Variants in REPS2 observed in about 807,000 individuals in gnomAD.
The protein encoded by REPS2 is ralBP1-associated Eps domain-containing protein 2.
A neutral mutation model predicts 53.6 loss-of-function variants in REPS2; 23 were observed. The observed-to-expected ratio is 0.43, with a 90% CI of 0.31 to 0.61. The LOEUF (loss-of-function observed/expected upper bound fraction) is 0.61. Ranked by LOEUF, REPS2 falls within the 20% of genes least tolerant of loss-of-function variation. The probability of loss-of-function intolerance (pLI) is 0.11; values close to 1 mark genes in which losing one functional copy is unlikely to be tolerated. For synonymous variants in REPS2, 238 were observed against 218.6 expected (o/e 1.09, Z -0.78); for missense variants, 446 against 534.9 (o/e 0.83, Z 1.64).
the REPS2 span, among the ~76,000 whole-genome samples, chrX:17,184,870 G>C: frequency 1.8e-5 from 2 of 111,930 alleles, no homozygotes; most frequent in Non-Finnish European, 3.8e-5. Flanking sequence ...TTTAATGTAC[G>C]TGTTACAATC....
At chrX:17,044,219 A>G (rs1458844883) in intron 5 of REPS2, among the ~76,000 whole-genome samples, 2 of 111,490 alleles carry the variant, frequency 1.8e-5, no homozygotes, top group Admixed American at 9.5e-5. Flanking sequence ...CATTGAGGAA[A>G]GAGCACACAT....
At chrX:16,960,850 TATG>T (rs965707207) in intron 1 of REPS2, among the ~76,000 whole-genome samples, 3 of 112,216 alleles carry the variant, frequency 2.7e-5, no homozygotes, top group African/African-American at 6.5e-5. Flanking sequence ...CTGTCCCATT[TATG>T]ATAACATAAA....
intron 14 of REPS2, among the ~76,000 whole-genome samples, chrX:17,126,775 T>C (rs2063216855): frequency 8.9e-6 from 1 of 111,984 alleles, no homozygotes; most frequent in Non-Finnish European, 1.9e-5. Context: ...TCGTATTGTC[T>C]GTAGCTGCTT....
intron 1 of REPS2, among the ~76,000 whole-genome samples, chrX:16,987,478 C>T (rs978633836): frequency 1.2e-4 from 14 of 112,518 alleles, no homozygotes; most frequent in African/African-American, 4.2e-4. Flanking sequence ...TTTAACTCCA[C>T]TTATCCCTCC....
In REPS2 at chrX:17,016,972, T is replaced by G. The variant is rs113593956; in HGVS notation, c.398-5151T>G. Among the ~76,000 whole-genome samples, 509 of 110,813 alleles carry G rather than the reference T, an allele frequency of 4.6e-3. 2 individuals carry two copies. The highest frequency in any genetic ancestry group is 0.016 in the African/African-American group (487 of 30,440). On this transcript the variant is annotated intron_variant, in intron 2 of 17. Coordinates refer to ENST00000357277, the MANE Select transcript of REPS2 (RefSeq NM_004726.3). The stretch of plus-strand genomic sequence containing the variant: ...AAATGTTTATCACAGGATAATGGAT[T>G]AAAATTTTCAATATATTCTTTTAGG...
At chrX:17,176,654 A>C in the REPS2 span, among the ~76,000 whole-genome samples, 9 of 112,265 alleles carry the variant, frequency 8.0e-5, no homozygotes, top group Non-Finnish European at 1.7e-4. Context: ...CCTCTAATTG[A>C]TAATTACCTT....
chrX:17,018,554 C>G (rs765109351), intron 2 of REPS2, among the ~76,000 whole-genome samples: 1 of 108,727 alleles, frequency 9.2e-6, no homozygotes, highest in South Asian at 4.1e-4. Context: ...TGAAACCACA[C>G]AGTACCTGTC....
At chrX:17,005,035 A>G (rs1030123371) in intron 1 of REPS2, among the ~76,000 whole-genome samples, 3 of 111,670 alleles carry the variant, frequency 2.7e-5, no homozygotes, top group African/African-American at 6.5e-5. Context: ...TTTGCAAGAC[A>G]ACTATCTCAA....
chrX:16,988,211 G>A (rs910597486), intron 1 of REPS2, among the ~76,000 whole-genome samples: 5 of 111,554 alleles, frequency 4.5e-5, no homozygotes, highest in Admixed American at 9.6e-5. Context: ...GGGCCTTGGA[G>A]GTGAAGTGAG....
rs917373638 is a variant in REPS2, at chrX:17,152,442, C to T, written c.*4961C>T. ...CATTTTTTCATGTTTTGTGAATACT[C>T]TGGTCTTGCTGTAAGCTAATGTCAT... is the stretch of plus-strand genomic sequence containing the variant. On this transcript the variant is annotated 3_prime_UTR_variant, in exon 18 of 18. Transcript: ENST00000357277. 1.8e-5 allele frequency: 2 copies of T among 112,374 alleles called. No individual in the cohort carries two copies. Among genetic ancestry groups the T allele is most frequent in the African/African-American group, 6.5e-5 (2 of 30,986 alleles). 9.3% of individuals were successfully genotyped at this position (112,374 alleles called of 1,213,427 possible).
chrX:17,127,157 A>G (rs767750277), intron 14 of REPS2, among the ~76,000 whole-genome samples: 20 of 111,767 alleles, frequency 1.8e-4, no homozygotes, highest in South Asian at 3.7e-4. Flanking sequence ...GGTGTCTTCA[A>G]TTTCCAGTCT....
the REPS2 span, among the ~76,000 whole-genome samples, chrX:17,191,850 G>A: frequency 8.9e-6 from 1 of 112,111 alleles, no homozygotes; most frequent in East Asian, 2.8e-4. Context: ...ACTGAAGAAC[G>A]CATCAGTGGT....
intron 16 of REPS2, chrX:17,136,952 T>C (rs2063377043): frequency 8.9e-6 from 1 of 112,719 alleles, no homozygotes; most frequent in African/African-American, 3.2e-5. Context: ...TTTATCCAAG[T>C]TGTAGCATAA....
chrX:17,107,248 AT>A (rs1569180805), intron 14 of REPS2, among the ~76,000 whole-genome samples: 2 of 112,301 alleles, frequency 1.8e-5, no homozygotes, highest in Non-Finnish European at 3.8e-5. Context: ...CGGTTCATAG[AT>A]TGCTCAGAGC....
rs934499445 is a variant in REPS2 at position 17,049,932 on chromosome X, G to A, written c.907+2450G>A. ...GGTAAATTTAGTGTAGCCTGAGTGT[G>A]CAGTATTTATAAAGTCTACAGTAGT... On this transcript the variant is annotated intron_variant, in intron 6 of 17. Transcript: ENST00000357277. Among the ~76,000 whole-genome samples the A allele has an allele frequency of 2.8e-5, 3 of 106,626 alleles. No homozygotes were observed. The South Asian group carries it at 1.3e-3, about 45-fold the overall frequency. 92.6% of individuals were successfully genotyped at this position (106,626 alleles called of 115,157 possible).
intron 1 of REPS2, among the ~76,000 whole-genome samples, chrX:16,968,678 G>A (rs1234828638): frequency 5.0e-5 from 5 of 99,358 alleles, no homozygotes; most frequent in Admixed American, 2.1e-4. Flanking sequence ...CAGACGGGGC[G>A]GCTGGCCGGG....
rs144502835 is a variant in REPS2 at position 17,074,840 on chromosome X, A to C, written c.1379+681A>C. Among the ~76,000 whole-genome samples the C allele has an allele frequency of 1.3e-3, 147 of 111,932 alleles. 1 individual carries two copies. The highest frequency in any genetic ancestry group is 2.3e-3 in the Non-Finnish European group (124 of 53,162). On this transcript the variant is annotated intron_variant, in intron 12 of 17. Coordinates refer to ENST00000357277, the MANE Select transcript of REPS2 (RefSeq NM_004726.3). ...TGGTAGAACTGCAGTGTAAGATAGG[A>C]TAACGAGGATACCATGTGTGTGTTT...
At chrX:16,948,645 T>C (rs1295894215) in intron 1 of REPS2, among the ~76,000 whole-genome samples, 1 of 112,234 alleles carries the variant, frequency 8.9e-6, no homozygotes, top group Non-Finnish European at 1.9e-5. Context: ...GAGGTGGGCA[T>C]AGTAAATCTG....
intron 14 of REPS2, among the ~76,000 whole-genome samples, chrX:17,127,939 G>A (rs1363280990): frequency 8.9e-6 from 1 of 111,772 alleles, no homozygotes; most frequent in Admixed American, 9.5e-5. Flanking sequence ...TTGGCAGGAG[G>A]CCTCACTTCT....
Sources: gnomAD v4.1 joint callset for allele counts (sites outside exome capture counted in the v4.1 genomes callset) on GRCh38, gnomAD v4.1.1 for gene constraint, MANE v1.5 for transcripts, NCBI Gene and HGNC (gene_info 2026-07-23, HGNC 2026-07-21) for gene names.